SLC16A2: variants seen among roughly 807,000 people sequenced by gnomAD.
SLC16A2 encodes the protein monocarboxylate transporter 8.
In SLC16A2, 3 loss-of-function variants were observed where a neutral mutation model predicts 27.2. That is an observed-to-expected ratio of 0.11 (90% CI 0.05 to 0.28). SLC16A2 has a LOEUF of 0.28. Among genes scored for constraint, SLC16A2 ranks in the 10% least tolerant of loss-of-function variants. SLC16A2 has a pLI of 1.00. For missense variants in SLC16A2, 295 were observed against 458.5 expected, an observed-to-expected ratio of 0.64 and a Z score of 3.26; for synonymous variants, 202 against 187.8, an observed-to-expected ratio of 1.08 and a Z score of -0.62.
chrX:74,507,078 C>A (rs1016023278), intron 1 of SLC16A2, among the ~76,000 whole-genome samples: 3 of 108,432 alleles, frequency 2.8e-5, no homozygotes, highest in Non-Finnish European at 5.7e-5. Flanking sequence ...CCACAAGTAA[C>A]TGGGACTACA....
intron 1 of SLC16A2, among the ~76,000 whole-genome samples, chrX:74,425,639 C>T (rs1244785577): frequency 9.0e-6 from 1 of 110,710 alleles, no homozygotes; most frequent in Non-Finnish European, 1.9e-5. Context: ...AGCAAGACGC[C>T]ATTGATTGTA....
intron 1 of SLC16A2, among the ~76,000 whole-genome samples, chrX:74,435,537 G>GTA (rs1201827090): frequency 3.7e-5 from 3 of 82,127 alleles, no homozygotes; most frequent in Non-Finnish European, 6.4e-5. Flanking sequence ...ATATATATAT[G>GTA]TATATATATA....
At chrX:74,529,114 T>G in intron 4 of SLC16A2, 99 bp from the exon 5 acceptor site, 2 of 579,488 alleles carry the variant, frequency 3.5e-6, no homozygotes, top group Non-Finnish European at 5.6e-6. Flanking sequence ...CACCACCCCA[T>G]TTTATAGATG....
intron 4 of SLC16A2, 109 bp downstream of exon 4, chrX:74,526,002 C>G (rs140985488): frequency 1.1e-4 from 100 of 894,100 alleles, no homozygotes; most frequent in Non-Finnish European, 1.5e-4. Context: ...ATGGGAAAGT[C>G]AATCAAATTC....
chrX:74,440,263 G>T (rs2147841402), intron 1 of SLC16A2, among the ~76,000 whole-genome samples: 1 of 111,702 alleles, frequency 9.0e-6, no homozygotes, highest in African/African-American at 3.3e-5. Flanking sequence ...GGAACCACAG[G>T]CATAAACTAG....
At chrX:74,457,288 C>G (rs1293872905) in intron 1 of SLC16A2, among the ~76,000 whole-genome samples, 1 of 111,389 alleles carries the variant, frequency 9.0e-6, no homozygotes, top group African/African-American at 3.3e-5. Flanking sequence ...TTTAAAAGCT[C>G]TCTAGGTGAT....
intron 1 of SLC16A2, chrX:74,477,029 A>T (rs1929496572): frequency 8.9e-6 from 1 of 111,857 alleles, no homozygotes; most frequent in Non-Finnish European, 1.9e-5. Context: ...TTTTCTATTG[A>T]TTGGAATAGT....
chrX:74,435,468 C>T (rs1441363628), intron 1 of SLC16A2, among the ~76,000 whole-genome samples: 1 of 101,559 alleles, frequency 9.8e-6, no homozygotes, highest in East Asian at 3.9e-4. Context: ...GCAACCTAGC[C>T]TGGACAAAAG....
At chrX:74,501,484 A>G (rs957750868) in intron 1 of SLC16A2, among the ~76,000 whole-genome samples, 1 of 111,327 alleles carries the variant, frequency 9.0e-6, no homozygotes, top group Non-Finnish European at 1.9e-5. Flanking sequence ...CTGATGACAA[A>G]AGCACTAGCC....
intron 1 of SLC16A2, among the ~76,000 whole-genome samples, chrX:74,510,118 C>A (rs543657056): frequency 5.4e-5 from 6 of 111,727 alleles, no homozygotes; most frequent in Admixed American, 9.5e-5. Context: ...ACTTGGTCAG[C>A]CCCTCTATGA....
chrX:74,431,066 T>A (rs1231739100), intron 1 of SLC16A2, among the ~76,000 whole-genome samples: 2 of 112,914 alleles, frequency 1.8e-5, no homozygotes, highest in Admixed American at 9.3e-5. Flanking sequence ...TCTCAAAGAA[T>A]TTAAAACAGA....
chrX:74,466,647 G>A (rs955188015), intron 1 of SLC16A2, among the ~76,000 whole-genome samples: 3 of 111,662 alleles, frequency 2.7e-5, no homozygotes, highest in African/African-American at 9.8e-5. Context: ...TCGATCTGCT[G>A]TTGGTTGAAC....
At chrX:74,472,789 A>C (rs1055753083) in intron 1 of SLC16A2, among the ~76,000 whole-genome samples, 12 of 110,978 alleles carry the variant, frequency 1.1e-4, no homozygotes, top group African/African-American at 3.6e-4. Flanking sequence ...GGAATGCTTT[A>C]CACTTTCCAC....
chrX:74,475,604 A>T (rs757435254), intron 1 of SLC16A2, among the ~76,000 whole-genome samples: 1,242 of 111,686 alleles, frequency 0.011, 4 homozygotes, highest in Non-Finnish European at 0.019. Flanking sequence ...TAGGATTTTT[A>T]TGGTTTTAGG....
At chrX:74,442,308 G>T (rs1393772378) in intron 1 of SLC16A2, among the ~76,000 whole-genome samples, 1 of 109,937 alleles carries the variant, frequency 9.1e-6, no homozygotes, top group Non-Finnish European at 1.9e-5. Flanking sequence ...TCTCATTAGC[G>T]TTGGCCGAGG....
At chrX:74,443,164 T>TC (rs1461565947) in intron 1 of SLC16A2, among the ~76,000 whole-genome samples, 32 of 111,705 alleles carry the variant, frequency 2.9e-4, no homozygotes, top group African/African-American at 1.0e-3. Context: ...CCCTTTTTTT[T>TC]CACACATTAG....
intron 1 of SLC16A2, among the ~76,000 whole-genome samples, chrX:74,456,506 GATT>G (rs1049320204): frequency 9.5e-6 from 1 of 105,071 alleles, no homozygotes; most frequent in Non-Finnish European, 1.9e-5. Context: ...TGTAAATTAA[GATT>G]ATTATCACCT....
intron 1 of SLC16A2, among the ~76,000 whole-genome samples, chrX:74,454,595 G>T (rs746877214): frequency 1.1e-5 from 1 of 91,684 alleles, no homozygotes; most frequent in African/African-American, 4.0e-5. Context: ...GGGGAGGGGG[G>T]AGGGATAGCA....
At chrX:74,455,524 A>G (rs1179115949) in intron 1 of SLC16A2, among the ~76,000 whole-genome samples, 2 of 111,419 alleles carry the variant, frequency 1.8e-5, no homozygotes, top group Non-Finnish European at 3.8e-5. Context: ...GAAGCAATGA[A>G]GAATGTGCAG....
Sources: gnomAD v4.1 joint callset for allele counts (sites outside exome capture counted in the v4.1 genomes callset) on GRCh38, gnomAD v4.1.1 for gene constraint, MANE v1.5 for transcripts, NCBI Gene and HGNC (gene_info 2026-07-23, HGNC 2026-07-21) for gene names.